The following FAM53A variants were observed in gnomAD, a reference collection of about 807,000 sequenced individuals.
The protein encoded by FAM53A is protein FAM53A.
In FAM53A, 28 loss-of-function variants were observed where a neutral mutation model predicts 26.6. The ratio of observed to expected loss-of-function variants is 1.05; its 90% CI spans 0.78 to 1.45. FAM53A has a LOEUF of 1.45. FAM53A is among the 40% of genes most tolerant of loss of function. The pLI, the probability that FAM53A is intolerant of heterozygous loss-of-function variation, is 0.00. For synonymous variants in FAM53A, 290 were observed against 253.1 expected (o/e 1.15, Z -1.38); for missense variants, 650 against 575.8 (o/e 1.13, Z -1.32).
chr4:1,681,183 G>GC (rs1207243534), intron 1 of FAM53A, among the ~76,000 whole-genome samples: 2 of 152,154 alleles, frequency 1.3e-5, no homozygotes, highest in African/African-American at 4.8e-5. Context: ...TGCAACCTCA[G>GC]CCTCCCGAGT....
upstream of FAM53A, among the ~76,000 whole-genome samples, chr4:1,684,577 C>T (rs1480981184): frequency 6.6e-6 from 1 of 151,690 alleles, no homozygotes; most frequent in African/African-American, 2.4e-5. Context: ...TGGCACTCGG[C>T]GGCGTCCTCC....
intron 1 of FAM53A, among the ~76,000 whole-genome samples, chr4:1,633,848 T>TA (rs200528636): frequency 2.3e-4 from 35 of 149,640 alleles, no homozygotes; most frequent in Admixed American, 1.0e-3. Flanking sequence ...AAAGAGGTTT[T>TA]AAAAAAAAAA....
chr4:1,683,258 C>A (rs1715580642), intron 1 of FAM53A, among the ~76,000 whole-genome samples: 1 of 152,176 alleles, frequency 6.6e-6, no homozygotes, highest in South Asian at 2.1e-4. Context: ...CGTTTCCCAG[C>A]CTACCTTCAG....
At chr4:1,607,631 C>A in the FAM53A span, among the ~76,000 whole-genome samples, 6 of 152,272 alleles carry the variant, frequency 3.9e-5, no homozygotes, top group East Asian at 7.7e-4. Context: ...GAAATCAAGC[C>A]ATGCCAAGCC....
intron 4 of FAM53A, among the ~76,000 whole-genome samples, chr4:1,652,661 A>T (rs1203624843): frequency 6.8e-6 from 1 of 147,512 alleles, no homozygotes; most frequent in Non-Finnish European, 1.5e-5. Context: ...AATACACCAC[A>T]TATACACCAC....
At chr4:1,613,563 G>T (rs972984408), downstream of FAM53A, among the ~76,000 whole-genome samples, 2 of 136,374 alleles carry the variant, frequency 1.5e-5, no homozygotes, top group African/African-American at 5.5e-5. Context: ...CACGAGAGAA[G>T]AAAGTCCCGG....
chr4:1,615,787 A>C (rs1323321025), downstream of FAM53A, among the ~76,000 whole-genome samples: 1 of 152,292 alleles, frequency 6.6e-6, no homozygotes, highest in Admixed American at 6.5e-5. Flanking sequence ...GCAAATGTGC[A>C]AATGCAGAAT....
chr4:1,628,886 C>G (rs1560116315), intron 1 of FAM53A, among the ~76,000 whole-genome samples: 1 of 151,576 alleles, frequency 6.6e-6, no homozygotes, highest in Non-Finnish European at 1.5e-5. Flanking sequence ...CAGGCTTCGC[C>G]CACTGCAGGG....
chr4:1,628,056 A>G (rs1292993637), intron 1 of FAM53A, among the ~76,000 whole-genome samples: 19 of 1,404 alleles, frequency 0.014, no homozygotes, highest in South Asian at 0.048. Flanking sequence ...GGTGCACCTC[A>G]GGGGGTGGGT....
At chr4:1,622,796 AG>A (rs1241533573) in intron 1 of FAM53A, among the ~76,000 whole-genome samples, 1 of 152,094 alleles carries the variant, frequency 6.6e-6, no homozygotes, top group African/African-American at 2.4e-5. Flanking sequence ...AGCCCTCCAA[AG>A]GTCTCCTGAA....
chr4:1,613,158 C>T (rs1410080213), downstream of FAM53A, among the ~76,000 whole-genome samples: 2 of 152,214 alleles, frequency 1.3e-5, no homozygotes, highest in African/African-American at 4.8e-5. Context: ...AAGGCATGGC[C>T]AACTCTTGCC....
downstream of FAM53A, among the ~76,000 whole-genome samples, chr4:1,636,762 C>T (rs776030309): frequency 9.9e-5 from 15 of 152,240 alleles, no homozygotes; most frequent in Non-Finnish European, 2.1e-4. Context: ...TCCGCGTCTG[C>T]GTCTGCCAGA....
At chr4:1,679,622 G>A (rs1715272332) in intron 1 of FAM53A, among the ~76,000 whole-genome samples, 2 of 149,876 alleles carry the variant, frequency 1.3e-5, no homozygotes, top group African/African-American at 5.0e-5. Context: ...GGAGGCGGAG[G>A]TTGCAGTGAG....
the FAM53A span, among the ~76,000 whole-genome samples, chr4:1,593,982 G>C: frequency 0.038 from 5,764 of 152,268 alleles, 138 homozygotes; most frequent in Middle Eastern, 0.048. Context: ...CTAGGGCAGG[G>C]CGGCGTTGCG....
chr4:1,611,714 C>T, the FAM53A span, among the ~76,000 whole-genome samples: 1 of 152,200 alleles, frequency 6.6e-6, no homozygotes, highest in African/African-American at 2.4e-5. Flanking sequence ...GGGCAAGGGG[C>T]CAGCATGGAG....
At chr4:1,603,410 C>A in the FAM53A span, among the ~76,000 whole-genome samples, 1 of 152,162 alleles carries the variant, frequency 6.6e-6, no homozygotes, top group Admixed American at 6.5e-5. Flanking sequence ...AACAGAGAGG[C>A]GGGGACAGAG....
chr4:1,669,009 T>TC (rs1265411686), intron 1 of FAM53A, 104 bp from the exon 2 acceptor site: 30 of 391,824 alleles, frequency 7.7e-5, no homozygotes, highest in Admixed American at 1.8e-4. Context: ...ATTTCTGATA[T>TC]CCCACCTCAC....
the FAM53A span, among the ~76,000 whole-genome samples, chr4:1,577,240 A>G: frequency 0.2 from 30,635 of 152,130 alleles, 3,908 homozygotes; most frequent in East Asian, 0.56. Flanking sequence ...AGCAGAGGGG[A>G]CCATGTGCCA....
chr4:1,587,938 T>C, the FAM53A span, among the ~76,000 whole-genome samples: 22,738 of 152,248 alleles, frequency 0.15, 1,877 homozygotes, highest in Non-Finnish European at 0.17. Context: ...CCCCTCCCTT[T>C]GCTCTTTTTC....
Sources: allele counts gnomAD v4.1 joint callset (sites outside exome capture counted in the v4.1 genomes callset), GRCh38; gene constraint gnomAD v4.1.1; transcripts MANE v1.5; gene names NCBI Gene and HGNC (gene_info 2026-07-23, HGNC 2026-07-21).